The following MRPL35 variants were observed in gnomAD, a reference collection of about 807,000 sequenced individuals.
MRPL35 encodes the protein mitochondrial ribosomal protein L35, also known as large ribosomal subunit protein bL35m.
A neutral mutation model predicts 21.6 loss-of-function variants in MRPL35; 18 were observed. That is an observed-to-expected ratio of 0.83 (90% CI 0.58 to 1.24). MRPL35 has a LOEUF of 1.24. MRPL35 is among the 50% of genes most tolerant of loss of function. The pLI is 0.00. For missense variants in MRPL35, 223 were observed against 223.2 expected (o/e 1.00, Z 0.01); for synonymous variants, 87 against 86.9 (o/e 1.00, Z -0.01).
At chr2:86,208,569 A>C (rs1009789115) in intron 3 of MRPL35, among the ~76,000 whole-genome samples, 1 of 152,152 alleles carries the variant, frequency 6.6e-6, no homozygotes, top group African/African-American at 2.4e-5. Flanking sequence ...GGCCTCCCAA[A>C]GTGCTGGGAT....
chr2:86,211,422 T>C lies in MRPL35; in HGVS notation c.*754T>C. On this transcript the variant is annotated 3_prime_UTR_variant, in exon 4 of 4. Transcript: ENST00000337109. ...GGCTGTCCTTAAGTCAGGAGCCCGC[T>C]TTGTATTAGCAGGTTTGCATGCAGC... 2 of 985,452 alleles carry C rather than the reference T, an allele frequency of 2.0e-6. No homozygotes were observed. The highest frequency in any genetic ancestry group is 2.4e-6 in the Non-Finnish European group (2 of 829,956). 61.0% of individuals were successfully genotyped at this position (985,452 alleles called of 1,614,324 possible). A position where few individuals can be genotyped will look rare whatever the true frequency, so the allele number is the denominator to read the frequency against.
intron 1 of MRPL35, among the ~76,000 whole-genome samples, chr2:86,204,253 G>GTA (rs1673745477): frequency 6.6e-6 from 1 of 152,004 alleles, no homozygotes; most frequent in African/African-American, 2.4e-5. Context: ...CAAAGTGCTA[G>GTA]GATTACAGGC....
chr2:86,213,340 A>C lies in MRPL35; in HGVS notation c.*2672A>C. 1 of 1,232,772 alleles carries C rather than the reference A, an allele frequency of 8.1e-7. No individual in the cohort carries two copies. The highest frequency in any genetic ancestry group is 1.0e-6 in the Non-Finnish European group (1 of 986,984). The allele number at this position is 1,232,772 out of a possible 1,614,324, so 76.4% of individuals were successfully genotyped here. A position where few individuals can be genotyped will look rare whatever the true frequency, so the allele number is the denominator to read the frequency against. ...ACATTGGACCAGGCTCAGTAAATAA[A>C]CGAATGGATTTCCAGCCTTTTTTTC... is the stretch of plus-strand genomic sequence containing the variant. On this transcript the variant is annotated 3_prime_UTR_variant, in exon 4 of 4. Coordinates refer to ENST00000337109, the MANE Select transcript of MRPL35 (RefSeq NM_016622.4).
In MRPL35 at chr2:86,211,843, T is replaced by C; in HGVS notation, c.*1175T>C. On this transcript the variant is annotated 3_prime_UTR_variant, in exon 4 of 4. Coordinates refer to ENST00000337109, the MANE Select transcript of MRPL35 (RefSeq NM_016622.4). ...GTTAGTTTATCCACTTCAGATTTCATGTTTTCATTTGTAAGGATAAACTTT... is the reference window on the plus strand; with the variant it reads ...GTTAGTTTATCCACTTCAGATTTCACGTTTTCATTTGTAAGGATAAACTTT... The C allele has an allele frequency of 4.1e-6, 4 of 985,536 alleles. No individual in the cohort carries two copies. The highest frequency in any genetic ancestry group is 5.2e-4 in the Middle Eastern group (1 of 1,914). 61.0% of individuals were successfully genotyped at this position (985,536 alleles called of 1,614,324 possible).
intron 1 of MRPL35, among the ~76,000 whole-genome samples, chr2:86,204,896 A>G (rs1673761365): frequency 6.6e-6 from 1 of 152,250 alleles, no homozygotes; most frequent in Admixed American, 6.5e-5. Flanking sequence ...AATTACTAAT[A>G]GCCTACTGTT....
Position 86,211,630 on chromosome 2 carries a change from G to A in MRPL35, c.*962G>A. On this transcript the variant is annotated 3_prime_UTR_variant, in exon 4 of 4. Coordinates refer to ENST00000337109, the MANE Select transcript of MRPL35 (RefSeq NM_016622.4). ...TCATGAAACAGAAGAGGCTGTACAA[G>A]TGAAGACAAGGGCTTTTTATGCAAG... is the stretch of plus-strand genomic sequence containing the variant. The A allele has an allele frequency of 1.0e-6, 1 of 985,414 alleles. No individual in the cohort carries two copies. Among genetic ancestry groups the A allele is most frequent in the Non-Finnish European group, 1.2e-6 (1 of 829,942 alleles). 61.0% of individuals were successfully genotyped at this position (985,414 alleles called of 1,614,324 possible).
In MRPL35 at chr2:86,210,810, G is replaced by A. The variant is rs946945014; in HGVS notation, c.*142G>A. The A allele has an allele frequency of 1.5e-6, 2 of 1,325,958 alleles. No individual in the cohort carries two copies. The highest frequency in any genetic ancestry group is 2.5e-5 in the South Asian group (1 of 39,738). 82.1% of individuals were successfully genotyped at this position (1,325,958 alleles called of 1,614,324 possible). ...CAGTGACAACATTAAACTTAGAAAA[G>A]TTTTAAAACTTAATGGATCAGACTT... On this transcript the variant is annotated 3_prime_UTR_variant, in exon 4 of 4. Coordinates refer to ENST00000337109, the MANE Select transcript of MRPL35 (RefSeq NM_016622.4).
At chr2:86,202,472 C>G (rs941868082) in intron 1 of MRPL35, among the ~76,000 whole-genome samples, 3 of 152,090 alleles carry the variant, frequency 2.0e-5, no homozygotes, top group Admixed American at 6.6e-5. Context: ...ATTTTTTAAC[C>G]AAGAGATACC....
rs781421643 is a variant in MRPL35 at position 86,212,423 on chromosome 2, G to A, written c.*1755G>A. 2 of 1,613,918 alleles carry A rather than the reference G, an allele frequency of 1.2e-6. No individual in the cohort carries two copies. ...TGGATTTTCATTTCTTCGCACTTCT[G>A]AGACGGCAAAGCCAACCACTTAGAA... On this transcript the variant is annotated 3_prime_UTR_variant, in exon 4 of 4. Transcript: ENST00000337109.
In MRPL35 at chr2:86,204,451, A is replaced by AT. The variant is rs34323490; in HGVS notation, c.44-1644dup. Among the ~76,000 whole-genome samples the AT allele has an allele frequency of 1.6e-4, 22 of 138,910 alleles. 1 individual carries two copies. Among genetic ancestry groups the AT allele is most frequent in the Admixed American group, 5.1e-4 (7 of 13,712 alleles). The allele number at this position is 138,910 out of a possible 152,430, so 91.1% of individuals were successfully genotyped here. On this transcript the variant is annotated intron_variant, in intron 1 of 3. Transcript: ENST00000337109. ...TTTTTTTTTAGTCTTGTATTAGTGCATTTTTTTTTTTATACTTTAAGTTCT... is the reference window on the plus strand; with the variant it reads ...TTTTTTTTTAGTCTTGTATTAGTGCATTTTTTTTTTTTATACTTTAAGTTCT...
rs1673914775 is a variant in MRPL35 at position 86,212,162 on chromosome 2, T to G, written c.*1494T>G. 3.9e-6 allele frequency: 5 copies of G among 1,273,412 alleles called. No individual in the cohort carries two copies. Among genetic ancestry groups the G allele is most frequent in the Non-Finnish European group, 5.0e-6 (5 of 1,008,870 alleles). 78.9% of individuals were successfully genotyped at this position (1,273,412 alleles called of 1,614,324 possible). ...GGTAGTTGGTAATAATAAGATGAAA[T>G]TCCTCTGTTGTTAGTAAAATTATGA... On this transcript the variant is annotated 3_prime_UTR_variant, in exon 4 of 4. Coordinates refer to ENST00000337109, the MANE Select transcript of MRPL35 (RefSeq NM_016622.4).
Position 86,211,659 on chromosome 2 carries a change from T to G in MRPL35, c.*991T>G. 16 of 985,442 alleles carry G rather than the reference T, an allele frequency of 1.6e-5. No individual in the cohort carries two copies. The highest frequency in any genetic ancestry group is 1.7e-5 in the African/African-American group (1 of 57,360). 61.0% of individuals were successfully genotyped at this position (985,442 alleles called of 1,614,324 possible). A position where few individuals can be genotyped will look rare whatever the true frequency, so the allele number is the denominator to read the frequency against. ...AGACAAGGGCTTTTTATGCAAGTTT[T>G]GAAAGATAGGTATTTATTTTTTCTA... On this transcript the variant is annotated 3_prime_UTR_variant, in exon 4 of 4. Transcript: ENST00000337109.
In MRPL35 at chr2:86,212,972, C is replaced by T. The variant is rs1483128675; in HGVS notation, c.*2304C>T. 1 of 695,952 alleles carries T rather than the reference C, an allele frequency of 1.4e-6. No individual in the cohort carries two copies. The highest frequency in any genetic ancestry group is 1.9e-5 in the African/African-American group (1 of 51,484). The allele number at this position is 695,952 out of a possible 1,614,324, so 43.1% of individuals were successfully genotyped here. On this transcript the variant is annotated 3_prime_UTR_variant, in exon 4 of 4. Coordinates refer to ENST00000337109, the MANE Select transcript of MRPL35 (RefSeq NM_016622.4). ...ACAAAACTGGGTACATACATACTGT[C>T]TAACTGCTAATCCACATTTCCAGTC...
In MRPL35 at chr2:86,212,740, G is replaced by T; in HGVS notation, c.*2072G>T. 8.6e-7 allele frequency: 1 copy of T among 1,158,624 alleles called. No homozygotes were observed. The highest frequency in any genetic ancestry group is 1.1e-6 in the Non-Finnish European group (1 of 941,772). The allele number at this position is 1,158,624 out of a possible 1,614,324, so 71.8% of individuals were successfully genotyped here. ...GACAGGCACATAACTTACGGGAAAG[G>T]GAATTTCATACATACGATTTTTGTT... On this transcript the variant is annotated 3_prime_UTR_variant, in exon 4 of 4. Coordinates refer to ENST00000337109, the MANE Select transcript of MRPL35 (RefSeq NM_016622.4).
chr2:86,212,586 G>C lies in MRPL35; in HGVS notation c.*1918G>C. ...CCATGATGTCTTTATTGCAAATATG[G>C]ATGACAAGGGTCTCTGTTACAGGGG... On this transcript the variant is annotated 3_prime_UTR_variant, in exon 4 of 4. Transcript: ENST00000337109. The C allele has an allele frequency of 6.8e-7, 1 of 1,477,774 alleles. No homozygotes were observed. Among genetic ancestry groups the C allele is most frequent in the Non-Finnish European group, 9.0e-7 (1 of 1,115,746 alleles). The allele number at this position is 1,477,774 out of a possible 1,614,324, so 91.5% of individuals were successfully genotyped here.
chr2:86,208,306 T>G (rs1164807666), intron 3 of MRPL35, among the ~76,000 whole-genome samples: 2 of 151,950 alleles, frequency 1.3e-5, no homozygotes, highest in Non-Finnish European at 1.5e-5. Flanking sequence ...TGTATGTGTT[T>G]TTTTTTTTTT....
intron 1 of MRPL35, among the ~76,000 whole-genome samples, chr2:86,205,860 C>G (rs780422963): frequency 2.6e-5 from 4 of 152,178 alleles, no homozygotes; most frequent in Non-Finnish European, 5.9e-5. Context: ...TAGCAGACAT[C>G]CGACTTGGTT....
At chr2:86,204,928 C>T (rs553305222) in intron 1 of MRPL35, among the ~76,000 whole-genome samples, 111 of 152,310 alleles carry the variant, frequency 7.3e-4, no homozygotes, top group African/African-American at 2.5e-3. Flanking sequence ...TTACCAATAA[C>T]ATAAACCATT....
Position 86,211,565 on chromosome 2 carries a change from T to A in MRPL35, c.*897T>A. ...ACACTTGTCATTTACTGTAACAACA[T>A]TTTTTCATAGGAGAGTAAATAGCCC... On this transcript the variant is annotated 3_prime_UTR_variant, in exon 4 of 4. Transcript: ENST00000337109. The A allele has an allele frequency of 1.0e-6, 1 of 985,456 alleles. No homozygotes were observed. The highest frequency in any genetic ancestry group is 1.2e-6 in the Non-Finnish European group (1 of 829,930). The allele number at this position is 985,456 out of a possible 1,614,324, so 61.0% of individuals were successfully genotyped here.
Sources: gnomAD v4.1 joint callset for allele counts (sites outside exome capture counted in the v4.1 genomes callset) on GRCh38, gnomAD v4.1.1 for gene constraint, MANE v1.5 for transcripts, NCBI Gene and HGNC (gene_info 2026-07-23, HGNC 2026-07-21) for gene names.